Variants in RSKR observed in about 807,000 individuals in gnomAD.
RSKR encodes ribosomal protein S6 kinase-related protein.
In RSKR, 44 loss-of-function variants were observed where a neutral mutation model predicts 56.8. The observed-to-expected ratio is 0.77, with a 90% CI of 0.61 to 1.00. RSKR has a LOEUF of 1.00. Among genes scored for constraint, RSKR ranks in the 50% least tolerant of loss-of-function variants. The pLI, the probability that RSKR is intolerant of heterozygous loss-of-function variation, is 0.00. For synonymous variants in RSKR, 181 were observed against 188.0 expected, an observed-to-expected ratio of 0.96 and a Z score of 0.30; for missense variants, 510 against 506.9, an observed-to-expected ratio of 1.01 and a Z score of -0.06.
intron 4 of RSKR, 107 bp from the exon 5 acceptor site, chr17:28,612,794 C>T (rs1053574518): frequency 4.8e-6 from 5 of 1,051,686 alleles, no homozygotes; most frequent in Non-Finnish European, 7.3e-6. Flanking sequence ...ACTGCTGCCT[C>T]ACCTCTCAGT....
rs2070767729 is a variant in RSKR, at chr17:28,608,124, A to G, written c.*2354T>C. 1 of 152,240 alleles carries G rather than the reference A, an allele frequency of 6.6e-6. No homozygotes were observed. The highest frequency in any genetic ancestry group is 2.1e-4 in the South Asian group (1 of 4,832). The allele number at this position is 152,240 out of a possible 1,614,324, so 9.4% of individuals were successfully genotyped here. A position where few individuals can be genotyped will look rare whatever the true frequency, so the allele number is the denominator to read the frequency against. On this transcript the variant is annotated 3_prime_UTR_variant, in exon 12 of 12. Transcript: ENST00000301037. The stretch of plus-strand genomic sequence containing the variant: ...ACAGAACCAAGAACATGACTAGCAT[A>G]CAAAATACATAAACACTTGCTGAAG...
In RSKR at chr17:28,613,667, G is replaced by T; in HGVS notation, c.97C>A (p.Pro33Thr). 6.2e-7 allele frequency: 1 copy of T among 1,613,984 alleles called. No homozygotes were observed. The highest frequency in any genetic ancestry group is 1.1e-5 in the South Asian group (1 of 91,052). Residue 33 changes from proline (P) to threonine (T), a missense_variant, in exon 2 of 12, where the codon CCC (proline) becomes ACC (threonine). Coordinates refer to ENST00000301037, the MANE Select transcript of RSKR (RefSeq NM_001174103.2). ...PHKQGGNIRG[P>T]WARGWKSLWT... ...AGGCTCTTCCAGCCTCGGGCCCAGGGACCCCGGATGTTGCCACCCTGCTGA... is the reference window on the plus strand; with the variant it reads ...AGGCTCTTCCAGCCTCGGGCCCAGGTACCCCGGATGTTGCCACCCTGCTGA...
rs2070768181 is a variant in RSKR, at chr17:28,608,176, G to C, written c.*2302C>G. ...TAGACCACAAATTGGGCTCTAAATG[G>C]TCTAGTATCAGTACAAACAGAAAAA... is the stretch of plus-strand genomic sequence containing the variant. On this transcript the variant is annotated 3_prime_UTR_variant, in exon 12 of 12. Coordinates refer to ENST00000301037, the MANE Select transcript of RSKR (RefSeq NM_001174103.2). The C allele has an allele frequency of 6.6e-6, 1 of 152,126 alleles. No individual in the cohort carries two copies. Among genetic ancestry groups the C allele is most frequent in the Non-Finnish European group, 1.5e-5 (1 of 68,034 alleles). The allele number at this position is 152,126 out of a possible 1,614,324, so 9.4% of individuals were successfully genotyped here.
At position 28,612,614 on chromosome 17, in the gene RSKR, T is replaced by C. The variant is rs1402380424; in HGVS notation, c.547+4A>G. On this transcript the variant is annotated splice_donor_region_variant and intron_variant, in intron 5 of 11. Coordinates refer to ENST00000301037, the MANE Select transcript of RSKR (RefSeq NM_001174103.2). Reference sequence around the variant, plus strand: ...GGGGATGAGGAGAGAGTCCAGTCACTCACTAATGAAAAGGTGCCGTTTTCC... The same window carrying C: ...GGGGATGAGGAGAGAGTCCAGTCACCCACTAATGAAAAGGTGCCGTTTTCC... 1 of 1,613,936 alleles carries C rather than the reference T, an allele frequency of 6.2e-7. No individual in the cohort carries two copies. Among genetic ancestry groups the C allele is most frequent in the Middle Eastern group, 1.6e-4 (1 of 6,062 alleles).
rs2070785345 is a variant in RSKR at position 28,609,667 on chromosome 17, T to TGTGAAGG, written c.*804_*810dup. ...CAGGCTGGGTGTGGAGGCTCATGCC[T>TGTGAAGG]GTGAAGGTTGCAGTGAGCTGAGATC... On this transcript the variant is annotated 3_prime_UTR_variant, in exon 12 of 12. Coordinates refer to ENST00000301037, the MANE Select transcript of RSKR (RefSeq NM_001174103.2). The TGTGAAGG allele has an allele frequency of 6.9e-6, 1 of 145,562 alleles. No homozygotes were observed. The highest frequency in any genetic ancestry group is 1.5e-5 in the Non-Finnish European group (1 of 67,314). The allele number at this position is 145,562 out of a possible 1,614,324, so 9.0% of individuals were successfully genotyped here. A position where few individuals can be genotyped will look rare whatever the true frequency, so the allele number is the denominator to read the frequency against.
Position 28,612,664 on chromosome 17 carries a change from T to G in RSKR, c.501A>C (p.Val167=), listed in dbSNP as rs140758826. Residue 167 remains valine, a synonymous_variant, in exon 5 of 12, where the codon GTA becomes GTC. Transcript: ENST00000301037. ...SIQRQINHPF[V]HSLGDSWQGK... The stretch of plus-strand genomic sequence containing the variant: ...CCTGCCAGCTGTCCCCCAAGCTGTG[T>G]ACAAAGGGATGGTTGATCTGTCGCT... 3.2e-5 allele frequency: 51 copies of G among 1,614,010 alleles called. No homozygotes were observed. The highest frequency in any genetic ancestry group is 4.2e-5 in the Non-Finnish European group (50 of 1,180,028).
intron 10 of RSKR, 27 bp from the exon 11 acceptor site, chr17:28,611,280 T>G (rs751481563): frequency 2.4e-5 from 37 of 1,532,178 alleles, no homozygotes; most frequent in Non-Finnish European, 2.8e-5. Context: ...GGAGTGGAGG[T>G]AGGGGTAGGG....
chr17:28,610,642 G>A lies in RSKR; in HGVS notation c.1069C>T (p.Pro357Ser), dbSNP rs2070799477. The A allele has an allele frequency of 2.0e-6, 3 of 1,535,970 alleles. No homozygotes were observed. The highest frequency in any genetic ancestry group is 2.0e-5 in the Admixed American group (1 of 50,972). ...TCGAAGGCCACACCCCGAAAGAAAG[G>A]GTGGACCTGGAAGTGATGCAGATAA... ...LRYLHHFQVH[P>S]FFRGVAFDPE... The change falls in exon 12 of 12, where the codon CCT (proline) becomes TCT (serine). Residue 357 changes from proline (P) to serine (S), a missense_variant. By Grantham distance (74) the Pro-to-Ser change is moderately conservative (BLOSUM62 -1). Coordinates refer to ENST00000301037, the MANE Select transcript of RSKR (RefSeq NM_001174103.2).
intron 8 of RSKR, 23 bp downstream of exon 8, chr17:28,611,745 G>T: frequency 6.2e-7 from 1 of 1,614,094 alleles, no homozygotes; most frequent in Non-Finnish European, 8.5e-7. Flanking sequence ...TCATCCTGGG[G>T]CTAAGGAAGG....
chr17:28,613,991 T>TA, intron 1 of RSKR, 96 bp downstream of exon 1: 1 of 1,490,516 alleles, frequency 6.7e-7, no homozygotes, highest in Non-Finnish European at 9.2e-7. Flanking sequence ...CCACATTGGG[T>TA]AATCACTTCC....
rs867633780 is a variant in RSKR at position 28,610,675 on chromosome 17, G to A, written c.1036C>T (p.Arg346Cys). The A allele has an allele frequency of 9.1e-6, 14 of 1,536,040 alleles. No individual in the cohort carries two copies. In the African/African-American group the frequency reaches 1.5e-4, roughly 17 times the overall value. The change falls in exon 12 of 12, where the codon CGT becomes TGT. Residue 346 changes from arginine (R) to cysteine (C), a missense_variant. Coordinates refer to ENST00000301037, the MANE Select transcript of RSKR (RefSeq NM_001174103.2). ...HELLCQNPLH[R>C]LRYLHHFQVH... ...TGGAAGTGATGCAGATAACGTAGAC[G>A]ATGGAGGGGGTTCTGGCATAAGAGC...
chr17:28,612,394 A>G (rs769329377), intron 5 of RSKR, 28 bp from the exon 6 acceptor site: 4 of 1,604,256 alleles, frequency 2.5e-6, no homozygotes, highest in African/African-American at 2.7e-5. Flanking sequence ...AGCTACATAC[A>G]TTGCCAGAAG....
chr17:28,612,390 A>AGCACAGATCTG, intron 5 of RSKR, 24 bp from the exon 6 acceptor site: 1 of 1,607,978 alleles, frequency 6.2e-7, no homozygotes, highest in Non-Finnish European at 8.5e-7. Context: ...GTGGAGCTAC[A>AGCACAGATCTG]TACATTGCCA....
chr17:28,611,575 T>C lies in RSKR; in HGVS notation c.803A>G (p.Gln268Arg), dbSNP rs752535339. ...AQAYTICGTL[Q>R]YMAPEVLSGG... ...GCTTTAACCTCTCTCACCCATGTAC[T>C]GAAGAGTGCCACAGATAGTGTAGGC... Residue 268 changes from glutamine (Q) to arginine (R), a missense_variant, in exon 9 of 12, where the codon CAG (glutamine) becomes CGG (arginine). By Grantham distance (43) the Gln-to-Arg change is conservative (BLOSUM62 1). Coordinates refer to ENST00000301037, the MANE Select transcript of RSKR (RefSeq NM_001174103.2). The C allele has an allele frequency of 3.5e-5, 55 of 1,556,130 alleles. No individual in the cohort carries two copies. The highest frequency in any genetic ancestry group is 4.6e-5 in the Non-Finnish European group (53 of 1,154,028).
At position 28,612,382 on chromosome 17, in the gene RSKR, G is replaced by A. The variant is rs1343932243; in HGVS notation, c.548-16C>T. On this transcript the variant is annotated splice_polypyrimidine_tract_variant and intron_variant, in intron 5 of 11. Coordinates refer to ENST00000301037, the MANE Select transcript of RSKR (RefSeq NM_001174103.2). ...TAGCTACACACTGCAAAGCCAGTGT[G>A]GAGCTACATACATTGCCAGAAGTCT... The A allele has an allele frequency of 9.9e-6, 16 of 1,611,910 alleles. No individual in the cohort carries two copies. The highest frequency in any genetic ancestry group is 1.3e-5 in the Non-Finnish European group (15 of 1,178,188).
intron 9 of RSKR, 24 bp downstream of exon 9, chr17:28,611,543 C>G: frequency 1.3e-6 from 2 of 1,560,024 alleles, no homozygotes; most frequent in South Asian, 1.2e-5. Flanking sequence ...CCAATGCTTA[C>G]CCATCAGCTT....
Position 28,611,977 on chromosome 17 carries a change from T to C in RSKR, c.693+67A>G, listed in dbSNP as rs2070821895. The C allele has an allele frequency of 1.9e-6, 3 of 1,614,000 alleles. No homozygotes were observed. The East Asian group carries it at 6.7e-5, about 36-fold the overall frequency. ...CTACAGTTCTCAGCTCCCTAACTTCTTGGACTTGTTGGCACTTCTTATTGA... is the reference window on the plus strand; with the variant it reads ...CTACAGTTCTCAGCTCCCTAACTTCCTGGACTTGTTGGCACTTCTTATTGA... On this transcript the variant is annotated intron_variant, in intron 7 of 11. Transcript: ENST00000301037.
At position 28,609,914 on chromosome 17, in the gene RSKR, A is replaced by G. The variant is rs2070788872; in HGVS notation, c.*564T>C. ...TAAAAAATACAAAAATTAGCTGGGCATAATGGTGTGCATTTGTAATCCCAG... is the reference window on the plus strand; with the variant it reads ...TAAAAAATACAAAAATTAGCTGGGCGTAATGGTGTGCATTTGTAATCCCAG... On this transcript the variant is annotated 3_prime_UTR_variant, in exon 12 of 12. Coordinates refer to ENST00000301037, the MANE Select transcript of RSKR (RefSeq NM_001174103.2). The G allele has an allele frequency of 6.5e-6, 1 of 153,204 alleles. No homozygotes were observed. The highest frequency in any genetic ancestry group is 2.4e-5 in the African/African-American group (1 of 41,266). The allele number at this position is 153,204 out of a possible 1,614,324, so 9.5% of individuals were successfully genotyped here.
In RSKR at chr17:28,610,235, G is replaced by C. The variant is rs2070793005; in HGVS notation, c.*243C>G. 1 of 501,864 alleles carries C rather than the reference G, an allele frequency of 2.0e-6. No individual in the cohort carries two copies. The highest frequency in any genetic ancestry group is 1.9e-5 in the African/African-American group (1 of 52,092). The allele number at this position is 501,864 out of a possible 1,614,324, so 31.1% of individuals were successfully genotyped here. On this transcript the variant is annotated 3_prime_UTR_variant, in exon 12 of 12. Transcript: ENST00000301037. The stretch of plus-strand genomic sequence containing the variant: ...CTGGAGAAGTAAAGAAAAGGAAAAG[G>C]TCACCACCCTGATCTGACATGTTGA...
Sources: allele counts gnomAD v4.1 joint callset, GRCh38; gene constraint gnomAD v4.1.1; transcripts MANE v1.5; gene names NCBI Gene and HGNC (gene_info 2026-07-23, HGNC 2026-07-21).